NTM: variants seen among roughly 807,000 people sequenced by gnomAD.
The protein encoded by NTM is IgLON family member 2.
Under a neutral mutation model 42.1 loss-of-function variants are expected in NTM, and 13 were observed. The observed-to-expected ratio is 0.31, with a 90% CI of 0.20 to 0.49. The LOEUF is 0.49. Ranked by LOEUF, NTM falls within the 20% of genes least tolerant of loss-of-function variation. The probability of loss-of-function intolerance (pLI) is 0.99; values close to 1 mark genes in which losing one functional copy is unlikely to be tolerated. For synonymous variants in NTM, 187 were observed against 179.2 expected, an observed-to-expected ratio of 1.04 and a Z score of -0.35; for missense variants, 373 against 452.8, an observed-to-expected ratio of 0.82 and a Z score of 1.60.
At position 132,061,171 on chromosome 11, in the gene NTM, A is replaced by G. The variant is rs541660967; in HGVS notation, c.168-85111A>G. On this transcript the variant is annotated intron_variant, in intron 2 of 8. Transcript: ENST00000683400. Reference sequence around the variant, plus strand: ...AGTCACACACTAAGATAAGTTCACTATCTAAGAAGTAAAGAAATGTAAAAG... The same window carrying G: ...AGTCACACACTAAGATAAGTTCACTGTCTAAGAAGTAAAGAAATGTAAAAG... 1.3e-3 allele frequency among the ~76,000 whole-genome samples: 195 copies of G among 152,340 alleles called. 1 individual carries two copies. The highest frequency in any genetic ancestry group is 4.5e-3 in the African/African-American group (187 of 41,594).
In NTM at chr11:132,203,458, T is replaced by C. The variant is rs563879868; in HGVS notation, c.401-8564T>C. ...GATTGCCATGCACTTATACAGCTAG[T>C]AACTGTGGGGTGTGGGCTTAAAACC... On this transcript the variant is annotated intron_variant, in intron 3 of 8. Coordinates refer to ENST00000683400, the MANE Select transcript of NTM (RefSeq NM_001352005.2). 1.2e-4 allele frequency among the ~76,000 whole-genome samples: 19 copies of C among 152,290 alleles called. No homozygotes were observed. The South Asian group carries it at 3.7e-3, about 30-fold the overall frequency.
intron 2 of NTM, among the ~76,000 whole-genome samples, chr11:131,976,116 A>AGTCCTTCCTTCC (rs1555201516): frequency 1.6e-5 from 2 of 123,872 alleles, no homozygotes; most frequent in Non-Finnish European, 1.7e-5. Context: ...TCCCTCCCTC[A>AGTCCTTCCTTCC]TTCCTTCCTT....
chr11:131,649,322 A>G (rs2066172100), intron 1 of NTM, among the ~76,000 whole-genome samples: 1 of 152,270 alleles, frequency 6.6e-6, no homozygotes. Context: ...AAAGGGCACC[A>G]TGGTGCGTCC....
At position 132,336,400 on chromosome 11, in the gene NTM, A is replaced by C. The variant is rs180919262; in HGVS notation, c.*1254A>C. The C allele has an allele frequency of 2.0e-5, 3 of 152,282 alleles. No individual in the cohort carries two copies. The highest frequency in any genetic ancestry group is 1.9e-4 in the East Asian group (1 of 5,178). The allele number at this position is 152,282 out of a possible 1,614,324, so 9.4% of individuals were successfully genotyped here. A position where few individuals can be genotyped will look rare whatever the true frequency, so the allele number is the denominator to read the frequency against. Reference sequence around the variant, plus strand: ...AAAAGTGAAAGGATAAAAAAAAAAAAAAACAACTAATACCGGGCGCAGCAT... The same window carrying C: ...AAAAGTGAAAGGATAAAAAAAAAAACAAACAACTAATACCGGGCGCAGCAT... On this transcript the variant is annotated 3_prime_UTR_variant, in exon 9 of 9. Coordinates refer to ENST00000683400, the MANE Select transcript of NTM (RefSeq NM_001352005.2).
At chr11:132,316,422 C>CTCCT (rs2095431667) in intron 7 of NTM, among the ~76,000 whole-genome samples, 1 of 152,212 alleles carries the variant, frequency 6.6e-6, no homozygotes, top group African/African-American at 2.4e-5. Context: ...TGCCCTGTGC[C>CTCCT]TCCTTTGGGA....
At chr11:131,595,368 G>A (rs1450202832) in intron 1 of NTM, among the ~76,000 whole-genome samples, 1 of 152,182 alleles carries the variant, frequency 6.6e-6, no homozygotes, top group Non-Finnish European at 1.5e-5. Flanking sequence ...AGTTCACACG[G>A]AGGGGAAAAA....
intron 1 of NTM, among the ~76,000 whole-genome samples, chr11:131,416,415 A>G (rs1591606529): frequency 1.3e-5 from 2 of 152,350 alleles, no homozygotes; most frequent in Middle Eastern, 6.8e-3. Flanking sequence ...GTAAGAAGCC[A>G]TGAAAATCTT....
intron 1 of NTM, among the ~76,000 whole-genome samples, chr11:131,451,786 G>C (rs1007634076): frequency 8.5e-5 from 13 of 152,092 alleles, no homozygotes; most frequent in African/African-American, 2.9e-4. Context: ...AGGGCTTGGA[G>C]AGCTGACTCT....
chr11:131,431,967 TA>T (rs1249995896), intron 1 of NTM, among the ~76,000 whole-genome samples: 3 of 152,320 alleles, frequency 2.0e-5, no homozygotes, highest in African/African-American at 7.2e-5. Flanking sequence ...ATAAAAGGTA[TA>T]AAAGAATGAA....
chr11:132,079,115 C>A (rs77815606), intron 2 of NTM, among the ~76,000 whole-genome samples: 19,506 of 152,206 alleles, frequency 0.13, 1,341 homozygotes, highest in South Asian at 0.18. Flanking sequence ...GTTACAGAAC[C>A]AGCAAACCTT....
At chr11:131,566,190 C>A (rs373441178) in intron 1 of NTM, among the ~76,000 whole-genome samples, 4 of 152,190 alleles carry the variant, frequency 2.6e-5, no homozygotes, top group African/African-American at 9.6e-5. Context: ...GCTTATGGTG[C>A]GAGAAGAAAT....
At chr11:131,982,638 G>A (rs1001949962) in intron 2 of NTM, among the ~76,000 whole-genome samples, 4 of 152,004 alleles carry the variant, frequency 2.6e-5, no homozygotes, top group Non-Finnish European at 5.9e-5. Flanking sequence ...GGGGCAGGGT[G>A]GAATAAAGGG....
chr11:131,672,589 A>G lies in NTM; in HGVS notation c.83-238975A>G, dbSNP rs190872612. On this transcript the variant is annotated intron_variant, in intron 1 of 8. Transcript: ENST00000683400. ...GGCTCAAACCCACCTTGTCTTGTTC[A>G]TGGTGCTGTAGGCTGGCATTAATTG... Among the ~76,000 whole-genome samples, 34 of 152,268 alleles carry G rather than the reference A, an allele frequency of 2.2e-4. 1 individual carries two copies. The highest frequency in any genetic ancestry group is 7.2e-4 in the African/African-American group (30 of 41,558).
chr11:131,628,866 T>C (rs573213719), intron 1 of NTM, among the ~76,000 whole-genome samples: 105 of 152,250 alleles, frequency 6.9e-4, no homozygotes, highest in Non-Finnish European at 1.4e-3. Flanking sequence ...AGATGTCCAG[T>C]TGGGGTGATG....
At chr11:132,151,296 A>T (rs2071849704) in intron 3 of NTM, among the ~76,000 whole-genome samples, 1 of 152,250 alleles carries the variant, frequency 6.6e-6, no homozygotes, top group South Asian at 2.1e-4. Flanking sequence ...CAGCTTGAGA[A>T]GACGTCTAAA....
At chr11:132,062,188 A>T (rs1190333842) in intron 2 of NTM, among the ~76,000 whole-genome samples, 1 of 152,222 alleles carries the variant, frequency 6.6e-6, no homozygotes, top group Non-Finnish European at 1.5e-5. Flanking sequence ...TGAGGTCAGT[A>T]ACAGTAAACC....
intron 1 of NTM, among the ~76,000 whole-genome samples, chr11:131,533,325 C>T (rs917543292): frequency 4.6e-5 from 7 of 152,168 alleles, no homozygotes; most frequent in African/African-American, 7.2e-5. Flanking sequence ...TCCTAGTAAG[C>T]GTCGAGCGTG....
At chr11:132,285,997 C>T (rs2094215380) in intron 4 of NTM, among the ~76,000 whole-genome samples, 2 of 152,320 alleles carry the variant, frequency 1.3e-5, no homozygotes, top group Admixed American at 1.3e-4. Context: ...CACCTGCAAA[C>T]TAAGAGCTTC....
At chr11:131,840,177 C>T (rs746020632) in intron 1 of NTM, among the ~76,000 whole-genome samples, 6 of 152,104 alleles carry the variant, frequency 3.9e-5, no homozygotes, top group South Asian at 2.1e-4. Flanking sequence ...AGTTGTGATA[C>T]GGATGCTATT....
Sources: gnomAD v4.1 joint callset for allele counts (sites outside exome capture counted in the v4.1 genomes callset) on GRCh38, gnomAD v4.1.1 for gene constraint, MANE v1.5 for transcripts, NCBI Gene and HGNC (gene_info 2026-07-23, HGNC 2026-07-21) for gene names.